The following MYO3B variants were observed in gnomAD, a reference collection of about 807,000 sequenced individuals.
MYO3B encodes the protein myosin IIIB, also known as myosin-IIIb.
Under a neutral mutation model 174.6 loss-of-function variants are expected in MYO3B, and 156 were observed. That is an observed-to-expected ratio of 0.89 (90% CI 0.78 to 1.02). MYO3B has a LOEUF of 1.02. Among genes scored for constraint, MYO3B ranks in the 50% least tolerant of loss-of-function variants. The pLI, the probability that MYO3B is intolerant of heterozygous loss-of-function variation, is 0.00. For synonymous variants in MYO3B, 563 were observed against 569.1 expected (o/e 0.99, Z 0.15); for missense variants, 1,632 against 1,639.4 (o/e 1.00, Z 0.08).
At chr2:170,649,675 A>C (rs1009083333) in intron 32 of MYO3B, among the ~76,000 whole-genome samples, 2 of 150,790 alleles carry the variant, frequency 1.3e-5, no homozygotes, top group Non-Finnish European at 2.9e-5. Flanking sequence ...AAAAATACAA[A>C]AATTTGCTGG....
At chr2:170,615,275 C>T (rs1245434239) in intron 32 of MYO3B, among the ~76,000 whole-genome samples, 1 of 152,206 alleles carries the variant, frequency 6.6e-6, no homozygotes, top group African/African-American at 2.4e-5. Flanking sequence ...GAAGGAAAAG[C>T]TGTAAACAAA....
At chr2:170,205,910 T>C (rs2092709358) in intron 3 of MYO3B, among the ~76,000 whole-genome samples, 1 of 152,104 alleles carries the variant, frequency 6.6e-6, no homozygotes, top group South Asian at 2.1e-4. Flanking sequence ...ATTATATGGG[T>C]AGTATACAGG....
chr2:170,195,167 A>G (rs1181481220), intron 1 of MYO3B, among the ~76,000 whole-genome samples: 2 of 151,980 alleles, frequency 1.3e-5, no homozygotes, highest in Non-Finnish European at 2.9e-5. Context: ...AACACTAGGT[A>G]GAAGAGGGCA....
intron 32 of MYO3B, among the ~76,000 whole-genome samples, chr2:170,558,285 AGAGT>A (rs1021507673): frequency 2.0e-5 from 3 of 151,754 alleles, no homozygotes; most frequent in Non-Finnish European, 4.4e-5. Context: ...TGGTACAGAC[AGAGT>A]GAGACTCTGT....
chr2:170,542,997 G>A, intron 31 of MYO3B, 31 bp downstream of exon 31: 1 of 1,571,852 alleles, frequency 6.4e-7, no homozygotes, highest in Non-Finnish European at 8.7e-7. Context: ...CAAAGTAAAT[G>A]TGTATCACTC....
intron 32 of MYO3B, among the ~76,000 whole-genome samples, chr2:170,596,478 C>G (rs997669304): frequency 6.6e-6 from 1 of 152,192 alleles, no homozygotes; most frequent in Non-Finnish European, 1.5e-5. Flanking sequence ...CAACGTAAAC[C>G]GTGCAGAACG....
At chr2:170,274,412 T>C (rs1330297423) in intron 7 of MYO3B, among the ~76,000 whole-genome samples, 1 of 152,198 alleles carries the variant, frequency 6.6e-6, no homozygotes, top group Non-Finnish European at 1.5e-5. Flanking sequence ...TTCTTTTCAG[T>C]GCAACCGGGA....
At chr2:170,453,409 TAC>T (rs35558091) in intron 23 of MYO3B, among the ~76,000 whole-genome samples, 6,824 of 131,186 alleles carry the variant, frequency 0.052, 222 homozygotes, top group South Asian at 0.089. Context: ...GTTTACCATT[TAC>T]ACACACACAC....
intron 32 of MYO3B, among the ~76,000 whole-genome samples, chr2:170,593,860 T>G (rs1693974216): frequency 6.6e-6 from 1 of 152,196 alleles, no homozygotes; most frequent in Non-Finnish European, 1.5e-5. Context: ...TCCTATATCA[T>G]GAAACATCCA....
chr2:170,584,428 T>C (rs1693366529), intron 32 of MYO3B, among the ~76,000 whole-genome samples: 1 of 152,160 alleles, frequency 6.6e-6, no homozygotes, highest in South Asian at 2.1e-4. Context: ...CTCACATGAG[T>C]TATGCATAAC....
At chr2:170,558,305 A>G (rs1008572812) in intron 32 of MYO3B, among the ~76,000 whole-genome samples, 1 of 143,004 alleles carries the variant, frequency 7.0e-6, no homozygotes, top group African/African-American at 2.8e-5. Context: ...TCTGTCTCCA[A>G]AAAAAAAAAA....
intron 7 of MYO3B, among the ~76,000 whole-genome samples, chr2:170,289,623 T>C (rs1238336253): frequency 6.6e-6 from 1 of 152,074 alleles, no homozygotes; most frequent in Admixed American, 6.5e-5. Flanking sequence ...GCTAAAGGTT[T>C]GTCAATTTTT....
At chr2:170,429,939 TA>T (rs2094695291) in intron 22 of MYO3B, among the ~76,000 whole-genome samples, 1 of 151,900 alleles carries the variant, frequency 6.6e-6, no homozygotes, top group African/African-American at 2.4e-5. Context: ...GTCTTCTCCT[TA>T]AAACAAAGAA....
chr2:170,294,968 ATT>A (rs5836268), intron 7 of MYO3B, among the ~76,000 whole-genome samples: 100,430 of 151,640 alleles, frequency 0.66, 33,458 homozygotes, highest in Admixed American at 0.73. Context: ...ATTAAACATA[ATT>A]CTCACCATGC....
chr2:170,524,521 T>C, intron 30 of MYO3B: 1 of 448,664 alleles, frequency 2.2e-6, no homozygotes, highest in Non-Finnish European at 4.5e-6. Flanking sequence ...TTTCACTCTG[T>C]TGCTCAGGCT....
intron 22 of MYO3B, among the ~76,000 whole-genome samples, chr2:170,427,265 C>T (rs1354291630): frequency 6.6e-6 from 1 of 152,102 alleles, no homozygotes; most frequent in African/African-American, 2.4e-5. Flanking sequence ...CAATAGGTTT[C>T]ACTCTTTCAA....
At chr2:170,613,421 A>G (rs1006812717) in intron 32 of MYO3B, among the ~76,000 whole-genome samples, 2 of 152,186 alleles carry the variant, frequency 1.3e-5, no homozygotes, top group Admixed American at 1.3e-4. Flanking sequence ...CAAGCTCCAC[A>G]TTAATCCTTC....
Position 170,401,475 on chromosome 2 carries a change from T to C in MYO3B, c.1919-6T>C. The C allele has an allele frequency of 1.2e-6, 2 of 1,613,842 alleles. No individual in the cohort carries two copies. Among genetic ancestry groups the C allele is most frequent in the South Asian group, 1.1e-5 (1 of 91,062 alleles). On this transcript the variant is annotated splice_polypyrimidine_tract_variant and splice_region_variant and intron_variant, in intron 17 of 34. Transcript: ENST00000408978. ...CATTCTGTGTTATCCTTACTCTTTG[T>C]TTCAGCTGCCTCTGTTCTGTGCATT...
chr2:170,589,920 A>G (rs1228878207), intron 32 of MYO3B, among the ~76,000 whole-genome samples: 5 of 152,148 alleles, frequency 3.3e-5, no homozygotes, highest in Admixed American at 6.5e-5. Flanking sequence ...TATCTTTCAT[A>G]TCTATTTTTA....
Sources: allele counts gnomAD v4.1 joint callset (sites outside exome capture counted in the v4.1 genomes callset), GRCh38; gene constraint gnomAD v4.1.1; transcripts MANE v1.5; gene names NCBI Gene and HGNC (gene_info 2026-07-23, HGNC 2026-07-21).